The following TRHDE variants were observed in gnomAD, a reference collection of about 807,000 sequenced individuals.
The protein encoded by TRHDE is thyrotropin-releasing hormone-degrading ectoenzyme.
TRHDE carries 72 observed loss-of-function variants against 125.7 expected under a neutral mutation model. The observed-to-expected ratio is 0.57, with a 90% CI of 0.47 to 0.70. The LOEUF is 0.70. Among genes scored for constraint, TRHDE ranks in the 30% least tolerant of loss-of-function variants. The pLI, the probability that TRHDE is intolerant of heterozygous loss-of-function variation, is 0.00. For missense variants in TRHDE, 1,110 were observed against 1,327.1 expected, an observed-to-expected ratio of 0.84 and a Z score of 2.54; for synonymous variants, 509 against 509.1, an observed-to-expected ratio of 1.00 and a Z score of 0.00.
At chr12:72,141,574 G>A (rs185951654) in intron 2 of TRHDE, among the ~76,000 whole-genome samples, 2 of 152,198 alleles carry the variant, frequency 1.3e-5, no homozygotes, top group Admixed American at 6.5e-5. Context: ...GCAGTTTTGT[G>A]CCTCTGAAGC....
rs1878398197 is a variant in TRHDE, at chr12:72,238,327, T to TAC, written n.279+132576_279+132577insCA. Among the ~76,000 whole-genome samples the TAC allele has an allele frequency of 6.1e-5, 2 of 32,958 alleles. 1 individual carries two copies. The highest frequency in any genetic ancestry group is 1.4e-4 in the Non-Finnish European group (2 of 14,716). 21.6% of individuals were successfully genotyped at this position (32,958 alleles called of 152,430 possible). A position where few individuals can be genotyped will look rare whatever the true frequency, so the allele number is the denominator to read the frequency against. On this transcript the variant is annotated intron_variant and non_coding_transcript_variant, in intron 2 of 4. Coordinates refer to the TRHDE transcript ENST00000548156. The stretch of plus-strand genomic sequence containing the variant: ...ATATATATATATATATATATACATA[T>TAC]ATATATACACATTATATATATATAT...
At chr12:72,376,040 C>T (rs1871865701) in intron 2 of TRHDE, among the ~76,000 whole-genome samples, 1 of 152,162 alleles carries the variant, frequency 6.6e-6, no homozygotes, top group Admixed American at 6.5e-5. Context: ...GTGAGACCTA[C>T]ATCACCAAGA....
At chr12:72,358,640 G>T (rs1220570792) in intron 2 of TRHDE, among the ~76,000 whole-genome samples, 1 of 151,324 alleles carries the variant, frequency 6.6e-6, no homozygotes, top group Non-Finnish European at 1.5e-5. Flanking sequence ...AAATAAGGGA[G>T]AAAATAATTA....
intron 3 of TRHDE, among the ~76,000 whole-genome samples, chr12:72,403,127 C>T (rs1873116781): frequency 6.6e-6 from 1 of 152,282 alleles, no homozygotes; most frequent in South Asian, 2.1e-4. Flanking sequence ...TACATGCACA[C>T]ATGGGCCTCT....
chr12:72,649,115 G>T (rs955838267), intron 15 of TRHDE, among the ~76,000 whole-genome samples: 1 of 151,900 alleles, frequency 6.6e-6, no homozygotes, highest in Non-Finnish European at 1.5e-5. Flanking sequence ...AATGCTAGAG[G>T]AATCACACTT....
At chr12:72,284,336 G>A (rs545706139) in intron 1 of TRHDE, among the ~76,000 whole-genome samples, 20 of 152,160 alleles carry the variant, frequency 1.3e-4, no homozygotes, top group Middle Eastern at 3.4e-3. Flanking sequence ...GAGTAACTTC[G>A]ACTCATAAAT....
intron 5 of TRHDE, among the ~76,000 whole-genome samples, chr12:72,478,922 C>CAAAAAAA (rs67346703): frequency 1.3e-3 from 140 of 104,882 alleles, no homozygotes; most frequent in Non-Finnish European, 1.6e-3. Flanking sequence ...TTTTTTTTAG[C>CAAAAAAA]AAAAAAAAAA....
At chr12:72,124,634 A>G (rs1875670297) in intron 2 of TRHDE, among the ~76,000 whole-genome samples, 1 of 152,194 alleles carries the variant, frequency 6.6e-6, no homozygotes, top group African/African-American at 2.4e-5. Flanking sequence ...TGTAATATTC[A>G]ATTGAGTGAT....
intron 9 of TRHDE, among the ~76,000 whole-genome samples, chr12:72,565,214 A>T (rs1020338502): frequency 1.4e-4 from 22 of 152,188 alleles, no homozygotes; most frequent in African/African-American, 3.9e-4. Context: ...CAAACAGTTG[A>T]TGGAGTAAAA....
intron 6 of TRHDE, among the ~76,000 whole-genome samples, chr12:72,530,091 T>C (rs1206457392): frequency 1.3e-5 from 2 of 152,174 alleles, no homozygotes; most frequent in African/African-American, 4.8e-5. Context: ...CATCCATTTT[T>C]CCTTCTCTAC....
At chr12:72,570,480 C>G (rs1284337129) in intron 10 of TRHDE, among the ~76,000 whole-genome samples, 1 of 147,754 alleles carries the variant, frequency 6.8e-6, no homozygotes, top group Non-Finnish European at 1.5e-5. Flanking sequence ...ACTCGGTAGA[C>G]TGAGGCAGGA....
chr12:72,269,199 T>G (rs917875024), upstream of TRHDE, among the ~76,000 whole-genome samples: 6 of 152,154 alleles, frequency 3.9e-5, no homozygotes, highest in African/African-American at 7.2e-5. Context: ...AGTGCTTGCT[T>G]CTTTGGGAAA....
intron 4 of TRHDE, among the ~76,000 whole-genome samples, chr12:72,470,457 T>C (rs573183471): frequency 2.4e-4 from 36 of 152,366 alleles, no homozygotes; most frequent in African/African-American, 8.2e-4. Flanking sequence ...ATATGTAAAT[T>C]TGCCAACTTT....
intron 2 of TRHDE, among the ~76,000 whole-genome samples, chr12:72,226,241 T>A (rs1878125506): frequency 6.6e-6 from 1 of 152,190 alleles, no homozygotes; most frequent in Non-Finnish European, 1.5e-5. Context: ...GCAAGTGAGG[T>A]TCCAGAGGTA....
chr12:72,485,015 A>G (rs536673420), intron 5 of TRHDE, among the ~76,000 whole-genome samples: 4 of 152,260 alleles, frequency 2.6e-5, no homozygotes, highest in African/African-American at 9.6e-5. Flanking sequence ...TCAACTCAGA[A>G]CCAGGAGGGA....
At chr12:72,103,792 A>G (rs1347637749) in intron 1 of TRHDE, among the ~76,000 whole-genome samples, 1 of 152,146 alleles carries the variant, frequency 6.6e-6, no homozygotes, top group East Asian at 1.9e-4. Context: ...ACTGACAGGG[A>G]TGTAGAAAAT....
At chr12:72,486,201 C>A (rs937451320) in intron 5 of TRHDE, among the ~76,000 whole-genome samples, 1 of 152,196 alleles carries the variant, frequency 6.6e-6, no homozygotes, top group South Asian at 2.1e-4. Context: ...GGATGTACCT[C>A]AGAGCAACAG....
At chr12:72,657,119 A>C (rs1874736746) in intron 18 of TRHDE, 111 bp downstream of exon 18, 1 of 694,718 alleles carries the variant, frequency 1.4e-6, no homozygotes. Context: ...TTTTACTTAC[A>C]CACGCACACC....
intron 3 of TRHDE, among the ~76,000 whole-genome samples, chr12:72,467,207 A>T (rs572788978): frequency 6.6e-6 from 1 of 152,072 alleles, no homozygotes; most frequent in South Asian, 2.1e-4. Context: ...AACATTAGGT[A>T]TATCTCCTAA....
Sources: gnomAD v4.1 joint callset for allele counts (sites outside exome capture counted in the v4.1 genomes callset) on GRCh38, gnomAD v4.1.1 for gene constraint, MANE v1.5 for transcripts, NCBI Gene and HGNC (gene_info 2026-07-23, HGNC 2026-07-21) for gene names.